Variants in RSPO2 observed in about 807,000 individuals in gnomAD.
RSPO2 encodes R-spondin 2, also known as R-spondin-2.
In RSPO2, 14 loss-of-function variants were observed where a neutral mutation model predicts 30.9. That is an observed-to-expected ratio of 0.45 (90% CI 0.30 to 0.71). The LOEUF is 0.71. RSPO2 is among the 30% of genes least tolerant of loss of function. The probability of loss-of-function intolerance (pLI) is 0.08; values close to 1 mark genes in which losing one functional copy is unlikely to be tolerated. For missense variants in RSPO2, 264 were observed against 301.9 expected, an observed-to-expected ratio of 0.87 and a Z score of 0.93; for synonymous variants, 107 against 96.4, an observed-to-expected ratio of 1.11 and a Z score of -0.64.
At chr8:107,995,061 C>T (rs115557764) in intron 2 of RSPO2, among the ~76,000 whole-genome samples, 1,897 of 152,200 alleles carry the variant, frequency 0.012, 38 homozygotes, top group African/African-American at 0.043. Flanking sequence ...AAACAAGAAA[C>T]AAGGCCCTTC....
chr8:108,077,255 G>C (rs1813043324), intron 2 of RSPO2, among the ~76,000 whole-genome samples: 1 of 152,106 alleles, frequency 6.6e-6, no homozygotes, highest in Non-Finnish European at 1.5e-5. Flanking sequence ...GAATGAAACA[G>C]GATTATCAAG....
intron 3 of RSPO2, among the ~76,000 whole-genome samples, chr8:107,961,088 T>A (rs1448748287): frequency 2.0e-5 from 3 of 152,098 alleles, no homozygotes; most frequent in Non-Finnish European, 4.4e-5. Context: ...AATCTCCAGA[T>A]GGGATTAAAA....
chr8:108,036,823 T>A (rs1404990855), intron 2 of RSPO2, among the ~76,000 whole-genome samples: 16 of 152,140 alleles, frequency 1.1e-4, no homozygotes, highest in Admixed American at 1.0e-3. Flanking sequence ...TATTTAAAAT[T>A]TTTCATTATT....
intron 2 of RSPO2, among the ~76,000 whole-genome samples, chr8:108,025,112 C>T (rs7007760): frequency 0.17 from 25,895 of 152,218 alleles, 2,865 homozygotes; most frequent in Middle Eastern, 0.27. Context: ...TATACACACA[C>T]ACACACAAGC....
At chr8:107,974,847 T>TACACACACACACAC (rs10530103) in intron 3 of RSPO2, among the ~76,000 whole-genome samples, 14 of 150,924 alleles carry the variant, frequency 9.3e-5, no homozygotes, top group African/African-American at 2.9e-4. Flanking sequence ...CACATACACA[T>TACACACACACACAC]ACACACACAC....
At chr8:108,001,442 A>G (rs1563557987) in intron 2 of RSPO2, among the ~76,000 whole-genome samples, 1 of 152,152 alleles carries the variant, frequency 6.6e-6, no homozygotes, top group South Asian at 2.1e-4. Context: ...TTTTGACACA[A>G]AAATCTTAAT....
At chr8:107,999,106 G>A (rs770340493) in intron 2 of RSPO2, among the ~76,000 whole-genome samples, 5 of 151,966 alleles carry the variant, frequency 3.3e-5, no homozygotes, top group Non-Finnish European at 7.4e-5. Flanking sequence ...TTCTTTAATA[G>A]AGAATGATAT....
chr8:107,937,091 A>G (rs998758643), intron 5 of RSPO2, among the ~76,000 whole-genome samples: 5 of 143,706 alleles, frequency 3.5e-5, no homozygotes, highest in Non-Finnish European at 7.6e-5. Context: ...TGTTTTCCCT[A>G]TTTTTTTACT....
chr8:107,975,409 T>G (rs1024462412), intron 3 of RSPO2, among the ~76,000 whole-genome samples: 1 of 152,222 alleles, frequency 6.6e-6, no homozygotes. Context: ...TCTAGTATTA[T>G]CTCCGCTACA....
At position 108,030,566 on chromosome 8, in the gene RSPO2, T is replaced by C. The variant is rs557344370; in HGVS notation, c.95-41322A>G. ...AATTACTGGGGAAATTAACTAGAGA[T>C]AGAACACACACCATCCTTTAATCAT... On this transcript the variant is annotated intron_variant, in intron 2 of 5. Coordinates refer to ENST00000276659, the MANE Select transcript of RSPO2 (RefSeq NM_178565.5). Among the ~76,000 whole-genome samples the C allele has an allele frequency of 2.6e-5, 4 of 152,290 alleles. No homozygotes were observed. In the South Asian group the frequency reaches 8.3e-4, roughly 32 times the overall value.
chr8:108,004,716 T>C (rs1815393245), intron 2 of RSPO2, among the ~76,000 whole-genome samples: 1 of 152,234 alleles, frequency 6.6e-6, no homozygotes, highest in African/African-American at 2.4e-5. Flanking sequence ...TGTAGGTTTA[T>C]ACATATGTAA....
intron 5 of RSPO2, among the ~76,000 whole-genome samples, chr8:107,928,022 G>T (rs1311044663): frequency 6.6e-6 from 1 of 152,108 alleles, no homozygotes; most frequent in Non-Finnish European, 1.5e-5. Flanking sequence ...CACTGTGCAG[G>T]TAAAGACCTA....
At chr8:107,984,197 C>T (rs1054390937) in intron 3 of RSPO2, among the ~76,000 whole-genome samples, 3 of 152,324 alleles carry the variant, frequency 2.0e-5, no homozygotes, top group South Asian at 2.1e-4. Flanking sequence ...ACGCTAAACT[C>T]ATGGAGGTTC....
At chr8:108,047,673 C>T (rs1216684586) in intron 2 of RSPO2, among the ~76,000 whole-genome samples, 1 of 152,000 alleles carries the variant, frequency 6.6e-6, no homozygotes, top group Non-Finnish European at 1.5e-5. Flanking sequence ...CATAGTGAAA[C>T]CCCGTCTCTA....
chr8:107,942,852 T>C (rs1812941900), intron 5 of RSPO2, among the ~76,000 whole-genome samples: 1 of 152,278 alleles, frequency 6.6e-6, no homozygotes, highest in Non-Finnish European at 1.5e-5. Context: ...ACTTAAATTA[T>C]AGTTGCTGTT....
intron 2 of RSPO2, among the ~76,000 whole-genome samples, chr8:107,990,454 A>G (rs1023755948): frequency 6.6e-6 from 1 of 152,160 alleles, no homozygotes; most frequent in Non-Finnish European, 1.5e-5. Flanking sequence ...TCTCATTCAC[A>G]ATTGCTGCAA....
chr8:108,005,841 T>C (rs1815435746), intron 2 of RSPO2, among the ~76,000 whole-genome samples: 1 of 152,254 alleles, frequency 6.6e-6, no homozygotes, highest in African/African-American at 2.4e-5. Flanking sequence ...GTACAGCATG[T>C]ACATAAACAT....
chr8:107,969,498 T>G (rs936763529), intron 3 of RSPO2, among the ~76,000 whole-genome samples: 1 of 152,138 alleles, frequency 6.6e-6, no homozygotes. Context: ...AGAAAAAATA[T>G]GAAGAAACGT....
At chr8:108,063,649 A>G (rs1414672840) in intron 2 of RSPO2, among the ~76,000 whole-genome samples, 1 of 151,874 alleles carries the variant, frequency 6.6e-6, no homozygotes, top group Non-Finnish European at 1.5e-5. Context: ...CAAGCTACCA[A>G]TGACTTTCTT....
Sources: allele counts gnomAD v4.1 joint callset (sites outside exome capture counted in the v4.1 genomes callset), GRCh38; gene constraint gnomAD v4.1.1; transcripts MANE v1.5; gene names NCBI Gene and HGNC (gene_info 2026-07-23, HGNC 2026-07-21).